TENM2: variants seen among roughly 807,000 people sequenced by gnomAD.
TENM2 encodes teneurin transmembrane protein 2.
Under a neutral mutation model 245.2 loss-of-function variants are expected in TENM2, and 52 were observed. The ratio of observed to expected loss-of-function variants is 0.21; its 90% CI spans 0.17 to 0.27. The LOEUF (loss-of-function observed/expected upper bound fraction) is 0.27. Ranked by LOEUF, TENM2 falls within the 10% of genes least tolerant of loss-of-function variation. The pLI, the probability that TENM2 is intolerant of heterozygous loss-of-function variation, is 1.00. For missense variants in TENM2, 3,046 were observed against 3,666.8 expected, an observed-to-expected ratio of 0.83 and a Z score of 4.37; for synonymous variants, 1,363 against 1,438.9, an observed-to-expected ratio of 0.95 and a Z score of 1.19.
chr5:167,280,076 T>C (rs370790244), upstream of TENM2, among the ~76,000 whole-genome samples: 4 of 152,194 alleles, frequency 2.6e-5, no homozygotes, highest in East Asian at 1.9e-4. Context: ...AGGAGGAACC[T>C]ACCTCATTAC....
chr5:168,067,150 AT>A (rs1017239490), intron 7 of TENM2, among the ~76,000 whole-genome samples: 2 of 152,148 alleles, frequency 1.3e-5, no homozygotes, highest in African/African-American at 4.8e-5. Flanking sequence ...AAAAATGCCT[AT>A]TTCATCACTC....
intron 12 of TENM2, among the ~76,000 whole-genome samples, chr5:168,138,748 T>A (rs561841578): frequency 1.3e-5 from 2 of 152,202 alleles, no homozygotes; most frequent in Non-Finnish European, 2.9e-5. Flanking sequence ...CATGGTAACA[T>A]GTCTGGGGTC....
the TENM2 span, among the ~76,000 whole-genome samples, chr5:167,047,623 G>T: frequency 5.9e-5 from 9 of 152,148 alleles, no homozygotes; most frequent in Non-Finnish European, 1.3e-4. Context: ...GTTTTATTAG[G>T]TGTCAAGAGA....
chr5:168,133,154 T>C (rs1222382225), intron 12 of TENM2, among the ~76,000 whole-genome samples: 2 of 152,196 alleles, frequency 1.3e-5, no homozygotes, highest in African/African-American at 4.8e-5. Context: ...TTGAGATGCT[T>C]TTCATTGGTG....
chr5:167,237,877 G>A, the TENM2 span, among the ~76,000 whole-genome samples: 1 of 151,968 alleles, frequency 6.6e-6, no homozygotes, highest in Non-Finnish European at 1.5e-5. Context: ...TGGGCGTGGT[G>A]GCACACGCCT....
intron 1 of TENM2, among the ~76,000 whole-genome samples, chr5:167,337,651 T>A (rs1757859814): frequency 6.6e-6 from 1 of 152,172 alleles, no homozygotes; most frequent in Admixed American, 6.5e-5. Context: ...AGAAGATGAA[T>A]GGGATAACTC....
chr5:167,154,220 T>C, the TENM2 span, among the ~76,000 whole-genome samples: 21 of 152,334 alleles, frequency 1.4e-4, no homozygotes, highest in African/African-American at 4.6e-4. Flanking sequence ...TGTATGAAAA[T>C]TGCATTTGTT....
At chr5:167,840,730 C>T (rs917606838) in intron 2 of TENM2, among the ~76,000 whole-genome samples, 1 of 152,088 alleles carries the variant, frequency 6.6e-6, no homozygotes, top group Non-Finnish European at 1.5e-5. Context: ...ATAAAATATA[C>T]CATGCACCAT....
chr5:168,173,228 C>T (rs1418414588), intron 13 of TENM2, among the ~76,000 whole-genome samples: 1 of 152,168 alleles, frequency 6.6e-6, no homozygotes, highest in African/African-American at 2.4e-5. Flanking sequence ...GAGTCCCCGG[C>T]AGCTGCAAAA....
At chr5:167,697,019 C>G (rs1757810077) in intron 2 of TENM2, among the ~76,000 whole-genome samples, 1 of 152,236 alleles carries the variant, frequency 6.6e-6, no homozygotes. Flanking sequence ...ATTCCATGGC[C>G]TCTGCGCATG....
chr5:167,536,196 A>G (rs1260580255), intron 2 of TENM2, among the ~76,000 whole-genome samples: 1 of 152,172 alleles, frequency 6.6e-6, no homozygotes, highest in Non-Finnish European at 1.5e-5. Flanking sequence ...CTGAGGGTTA[A>G]CAAGATTGAT....
intron 1 of TENM2, among the ~76,000 whole-genome samples, chr5:167,361,195 T>G (rs1759690450): frequency 6.6e-6 from 1 of 152,188 alleles, no homozygotes; most frequent in African/African-American, 2.4e-5. Context: ...TTCAAAATTT[T>G]TAAATTGATT....
In TENM2 at chr5:167,867,247, C is replaced by CT. The variant is rs1772399526; in HGVS notation, c.503-8739_503-8738insT. 7.2e-5 allele frequency among the ~76,000 whole-genome samples: 11 copies of CT among 152,268 alleles called. No homozygotes were observed. The South Asian group carries it at 2.3e-3, about 32-fold the overall frequency. On this transcript the variant is annotated intron_variant, in intron 2 of 28. Transcript: ENST00000518659. ...TGAAAGGGCTAGCATTAGAAAATTA[C>CT]AGAAATTATTTTAAAAACAGACCCT...
chr5:167,640,159 A>G (rs759032943), intron 2 of TENM2, among the ~76,000 whole-genome samples: 1 of 152,138 alleles, frequency 6.6e-6, no homozygotes, highest in African/African-American at 2.4e-5. Context: ...AAAGATTTTG[A>G]GAATCAAAAC....
At chr5:167,149,044 T>A in the TENM2 span, among the ~76,000 whole-genome samples, 884 of 152,228 alleles carry the variant, frequency 5.8e-3, 9 homozygotes, top group African/African-American at 0.02. Flanking sequence ...ATACTTTAAG[T>A]TTTAGGGTAC....
the TENM2 span, among the ~76,000 whole-genome samples, chr5:167,264,413 C>T: frequency 3.1e-4 from 47 of 152,184 alleles, no homozygotes; most frequent in Admixed American, 7.2e-4. Flanking sequence ...ATGGGGCATA[C>T]GTGAAATAAT....
chr5:167,350,646 G>GTATATGGATATATATATGGGATACA lies in TENM2; in HGVS notation c.227-24534_227-24510dup, dbSNP rs1561883446. Among the ~76,000 whole-genome samples, 55 of 120,022 alleles carry GTATATGGATATATATATGGGATACA rather than the reference G, an allele frequency of 4.6e-4. 2 individuals carry two copies. Among genetic ancestry groups the GTATATGGATATATATATGGGATACA allele is most frequent in the African/African-American group, 1.2e-3 (39 of 32,260 alleles). 78.7% of individuals were successfully genotyped at this position (120,022 alleles called of 152,430 possible). On this transcript the variant is annotated intron_variant, in intron 1 of 28. Coordinates refer to ENST00000518659, the Ensembl canonical transcript of TENM2. ...ATGTGGATATATATATATGGGATAC[G>GTATATGGATATATATATGGGATACA]TATATGGATATATATATGGGATACA...
the TENM2 span, among the ~76,000 whole-genome samples, chr5:167,066,312 T>C: frequency 6.6e-6 from 1 of 152,136 alleles, no homozygotes; most frequent in African/African-American, 2.4e-5. Flanking sequence ...TCAGACTCTT[T>C]TGATGATTTA....
At chr5:167,200,414 T>A in the TENM2 span, among the ~76,000 whole-genome samples, 1 of 151,950 alleles carries the variant, frequency 6.6e-6, no homozygotes, top group Admixed American at 6.6e-5. Context: ...TTGTGGTCTC[T>A]CTGTCTCTCT....
Sources: gnomAD v4.1 joint callset for allele counts (sites outside exome capture counted in the v4.1 genomes callset) on GRCh38, gnomAD v4.1.1 for gene constraint, MANE v1.5 for transcripts, NCBI Gene and HGNC (gene_info 2026-07-23, HGNC 2026-07-21) for gene names.